ELMO1: variants seen among roughly 807,000 people sequenced by gnomAD.
ELMO1 encodes the protein engulfment and cell motility protein 1.
Under a neutral mutation model 98.9 loss-of-function variants are expected in ELMO1, and 26 were observed. The ratio of observed to expected loss-of-function variants is 0.26; its 90% CI spans 0.19 to 0.36. The LOEUF (loss-of-function observed/expected upper bound fraction) is 0.36, where lower values mean the gene tolerates loss of function less well. Ranked by LOEUF, ELMO1 falls within the 10% of genes least tolerant of loss-of-function variation. The probability of loss-of-function intolerance (pLI) is 1.00; values close to 1 mark genes in which losing one functional copy is unlikely to be tolerated. For synonymous variants in ELMO1, 346 were observed against 346.0 expected (o/e 1.00, Z 0.00); for missense variants, 627 against 935.2 (o/e 0.67, Z 4.30).
intron 2 of ELMO1, among the ~76,000 whole-genome samples, chr7:37,322,738 G>T (rs1799587810): frequency 6.6e-6 from 1 of 152,012 alleles, no homozygotes; most frequent in Non-Finnish European, 1.5e-5. Flanking sequence ...AGGAAGCAGA[G>T]GTCGCAGTGA....
At chr7:37,255,787 C>G (rs1421850705) in intron 6 of ELMO1, among the ~76,000 whole-genome samples, 2 of 90,436 alleles carry the variant, frequency 2.2e-5, no homozygotes, top group Non-Finnish European at 4.3e-5. Flanking sequence ...ATGCATTGTC[C>G]TTGACTTAGC....
intron 16 of ELMO1, among the ~76,000 whole-genome samples, chr7:36,938,465 T>A (rs1041872390): frequency 1.3e-5 from 2 of 152,222 alleles, no homozygotes; most frequent in African/African-American, 4.8e-5. Flanking sequence ...TCACAGATGA[T>A]GTCTTTTTGG....
intron 13 of ELMO1, among the ~76,000 whole-genome samples, chr7:37,186,632 T>G (rs988555249): frequency 2.0e-5 from 3 of 152,008 alleles, no homozygotes; most frequent in Admixed American, 6.6e-5. Context: ...ACAGCCCAAT[T>G]AACAAACAAG....
intron 16 of ELMO1, among the ~76,000 whole-genome samples, chr7:36,998,185 A>C (rs1475945326): frequency 1.3e-5 from 2 of 152,208 alleles, no homozygotes; most frequent in African/African-American, 4.8e-5. Context: ...GTATTTTTAT[A>C]AATTTTTTGA....
intron 1 of ELMO1, among the ~76,000 whole-genome samples, chr7:37,346,204 C>G (rs1236358632): frequency 6.6e-6 from 1 of 152,164 alleles, no homozygotes; most frequent in African/African-American, 2.4e-5. Context: ...CTGGACACTT[C>G]CACCACACCT....
At chr7:37,444,910 GTATTTTGT>G (rs1248448672) in intron 1 of ELMO1, among the ~76,000 whole-genome samples, 1 of 152,220 alleles carries the variant, frequency 6.6e-6, no homozygotes, top group Non-Finnish European at 1.5e-5. Flanking sequence ...TAAACCAACA[GTATTTTGT>G]TAAAAGGAGA....
At chr7:37,277,579 T>G (rs1796911728) in intron 4 of ELMO1, among the ~76,000 whole-genome samples, 1 of 152,204 alleles carries the variant, frequency 6.6e-6, no homozygotes, top group African/African-American at 2.4e-5. Flanking sequence ...CAGCTCTGAT[T>G]TGCTGTTAGC....
At chr7:36,893,037 G>A (rs546150015) in intron 17 of ELMO1, among the ~76,000 whole-genome samples, 42 of 152,260 alleles carry the variant, frequency 2.8e-4, no homozygotes, top group Admixed American at 1.4e-3. Context: ...TAAAATGTTC[G>A]TACTTGCCAT....
chr7:37,057,200 TG>T (rs1796431248), intron 15 of ELMO1, among the ~76,000 whole-genome samples: 1 of 152,320 alleles, frequency 6.6e-6, no homozygotes, highest in African/African-American at 2.4e-5. Context: ...TTAATACATT[TG>T]TGGCGGGCTT....
At chr7:37,192,905 CATATATTTT>C (rs1329505179) in intron 13 of ELMO1, among the ~76,000 whole-genome samples, 2 of 135,876 alleles carry the variant, frequency 1.5e-5, no homozygotes, top group African/African-American at 5.6e-5. Context: ...TCTATAGATA[CATATATTTT>C]ATATATTATA....
intron 1 of ELMO1, among the ~76,000 whole-genome samples, chr7:37,408,020 T>C (rs1031830801): frequency 2.0e-5 from 3 of 152,154 alleles, no homozygotes; most frequent in Non-Finnish European, 4.4e-5. Flanking sequence ...CTTCAAAAAA[T>C]TGTGTCAAGT....
At chr7:37,370,267 T>G (rs985294473) in intron 1 of ELMO1, among the ~76,000 whole-genome samples, 4 of 152,142 alleles carry the variant, frequency 2.6e-5, no homozygotes, top group Non-Finnish European at 5.9e-5. Context: ...CCAAAGAGAA[T>G]CATTTACAAA....
chr7:37,129,486 T>A (rs1317784055), intron 14 of ELMO1, among the ~76,000 whole-genome samples: 1 of 152,216 alleles, frequency 6.6e-6, no homozygotes, highest in Non-Finnish European at 1.5e-5. Flanking sequence ...CCCACATGCA[T>A]GTAAGAGTCT....
intron 16 of ELMO1, among the ~76,000 whole-genome samples, chr7:36,933,449 T>C (rs1786226813): frequency 6.6e-6 from 1 of 152,216 alleles, no homozygotes; most frequent in Admixed American, 6.5e-5. Flanking sequence ...TAGTTCCTGC[T>C]AAGCCTCTAA....
chr7:37,133,790 G>A (rs1787082921), intron 13 of ELMO1, among the ~76,000 whole-genome samples: 1 of 152,128 alleles, frequency 6.6e-6, no homozygotes, highest in African/African-American at 2.4e-5. Flanking sequence ...TATCCACAGG[G>A]TCCTGACATC....
intron 2 of ELMO1, among the ~76,000 whole-genome samples, chr7:37,330,541 G>C (rs1400817106): frequency 1.3e-5 from 2 of 152,068 alleles, no homozygotes; most frequent in Admixed American, 6.5e-5. Flanking sequence ...ACCTCAGATA[G>C]TACTGAACCT....
chr7:37,110,192 T>C (rs1294227253), intron 14 of ELMO1, among the ~76,000 whole-genome samples: 1 of 152,240 alleles, frequency 6.6e-6, no homozygotes, highest in Admixed American at 6.5e-5. Flanking sequence ...CTACTTTTTT[T>C]CTTCATTTCA....
chr7:36,904,093 C>G (rs1783783754), intron 16 of ELMO1, among the ~76,000 whole-genome samples: 1 of 152,284 alleles, frequency 6.6e-6, no homozygotes, highest in South Asian at 2.1e-4. Context: ...CAACATCTTC[C>G]AAAGTAGCCC....
intron 13 of ELMO1, among the ~76,000 whole-genome samples, chr7:37,206,951 G>A (rs534452800): frequency 4.0e-4 from 61 of 151,776 alleles, no homozygotes; most frequent in African/African-American, 1.4e-3. Context: ...GGATCAGAAA[G>A]ATGAACTACA....
Sources: gnomAD v4.1 joint callset for allele counts (sites outside exome capture counted in the v4.1 genomes callset) on GRCh38, gnomAD v4.1.1 for gene constraint, MANE v1.5 for transcripts, NCBI Gene and HGNC (gene_info 2026-07-23, HGNC 2026-07-21) for gene names.